DLGAP2: variants seen among roughly 807,000 people sequenced by gnomAD.
The protein encoded by DLGAP2 is disks large-associated protein 2.
Under a neutral mutation model 100.3 loss-of-function variants are expected in DLGAP2, and 26 were observed. The observed-to-expected ratio is 0.26, with a 90% CI of 0.19 to 0.36. The LOEUF (loss-of-function observed/expected upper bound fraction) is 0.36. DLGAP2 is among the 10% of genes least tolerant of loss of function. The pLI, the probability that DLGAP2 is intolerant of heterozygous loss-of-function variation, is 1.00. For missense variants in DLGAP2, 1,858 were observed against 1,453.2 expected (o/e 1.28, Z -4.53); for synonymous variants, 886 against 630.1 (o/e 1.41, Z -6.08).
chr8:962,834 C>T (rs1271950499), intron 2 of DLGAP2, among the ~76,000 whole-genome samples: 2 of 152,182 alleles, frequency 1.3e-5, no homozygotes, highest in Admixed American at 6.5e-5. Flanking sequence ...TGACAAGAGC[C>T]TTGGAAACCC....
chr8:1,037,576 C>T (rs1802171458), intron 2 of DLGAP2, among the ~76,000 whole-genome samples: 1 of 152,206 alleles, frequency 6.6e-6, no homozygotes, highest in African/African-American at 2.4e-5. Flanking sequence ...TGCACTTTAT[C>T]CTCTAAGGGG....
At chr8:1,361,041 C>A (rs929825556) in intron 3 of DLGAP2, among the ~76,000 whole-genome samples, 3 of 152,202 alleles carry the variant, frequency 2.0e-5, no homozygotes, top group Non-Finnish European at 2.9e-5. Context: ...CTTCTGTGAT[C>A]CTTTCCTTTT....
In DLGAP2 at chr8:1,521,892, G is replaced by C. The variant is rs562159642; in HGVS notation, c.172+20461G>C. Among the ~76,000 whole-genome samples the C allele has an allele frequency of 4.7e-5, 7 of 149,328 alleles. No homozygotes were observed. In the East Asian group the frequency reaches 1.4e-3, roughly 30 times the overall value. On this transcript the variant is annotated intron_variant, in intron 4 of 14. Transcript: ENST00000637795. ...TGGTTTGCACACTTGTTTTAATTTG[G>C]AATACTCGGGTGGCAGGTGATATGG...
chr8:865,711 T>G (rs543446476), intron 1 of DLGAP2, among the ~76,000 whole-genome samples: 1 of 152,206 alleles, frequency 6.6e-6, no homozygotes, highest in African/African-American at 2.4e-5. Context: ...CTCTTCTTTT[T>G]ATAAGGCCGC....
At chr8:1,310,762 A>G (rs996035694) in intron 3 of DLGAP2, among the ~76,000 whole-genome samples, 8 of 152,200 alleles carry the variant, frequency 5.3e-5, no homozygotes, top group South Asian at 2.1e-4. Flanking sequence ...GGTTCAGGCA[A>G]TTCTCCTGCC....
In DLGAP2 at chr8:1,203,748, C is replaced by T. The variant is rs572764626; in HGVS notation, c.74-55103C>T. On this transcript the variant is annotated intron_variant, in intron 2 of 14. Transcript: ENST00000637795. Reference sequence around the variant, plus strand: ...AAATGATTTCTCCACTCTCACTTTACAGTGATGAAATATCACTGTTATTCT... The same window carrying T: ...AAATGATTTCTCCACTCTCACTTTATAGTGATGAAATATCACTGTTATTCT... Among the ~76,000 whole-genome samples, 3 of 152,334 alleles carry T rather than the reference C, an allele frequency of 2.0e-5. No individual in the cohort carries two copies. The East Asian group carries it at 5.8e-4, about 29-fold the overall frequency.
intron 1 of DLGAP2, among the ~76,000 whole-genome samples, chr8:834,681 G>C (rs918445012): frequency 1.3e-5 from 2 of 152,116 alleles, no homozygotes; most frequent in Non-Finnish European, 1.5e-5. Flanking sequence ...TTGTTAGGGA[G>C]GAGGGGGTCA....
At chr8:1,204,479 C>T (rs559442464) in intron 2 of DLGAP2, among the ~76,000 whole-genome samples, 2 of 152,350 alleles carry the variant, frequency 1.3e-5, no homozygotes, top group South Asian at 2.1e-4. Context: ...GAGCAACTTA[C>T]TGCATACCTT....
chr8:980,693 C>CAGGA (rs1800306260), intron 2 of DLGAP2, among the ~76,000 whole-genome samples: 1 of 152,066 alleles, frequency 6.6e-6, no homozygotes, highest in Non-Finnish European at 1.5e-5. Flanking sequence ...GAGACTCCAG[C>CAGGA]AGGAAGGAAG....
At chr8:866,710 C>G (rs552633564) in intron 1 of DLGAP2, among the ~76,000 whole-genome samples, 22 of 152,332 alleles carry the variant, frequency 1.4e-4, no homozygotes, top group Non-Finnish European at 2.9e-4. Flanking sequence ...CTTCTAAATA[C>G]TTTCCCAGAC....
chr8:1,088,444 A>G (rs1315035099), intron 2 of DLGAP2, among the ~76,000 whole-genome samples: 2 of 152,168 alleles, frequency 1.3e-5, no homozygotes, highest in Non-Finnish European at 2.9e-5. Context: ...GCAGTTGACC[A>G]GTAACACTGC....
intron 3 of DLGAP2, among the ~76,000 whole-genome samples, chr8:1,458,017 T>TA (rs1798369478): frequency 7.1e-6 from 1 of 140,726 alleles, no homozygotes; most frequent in Non-Finnish European, 1.6e-5. Context: ...TATATATAAT[T>TA]TTTTATATGT....
chr8:939,905 C>T (rs1009865737), intron 2 of DLGAP2, among the ~76,000 whole-genome samples: 22 of 151,558 alleles, frequency 1.5e-4, no homozygotes, highest in African/African-American at 4.4e-4. Context: ...CCCCAGGCTG[C>T]GGTCCCATGA....
intron 2 of DLGAP2, among the ~76,000 whole-genome samples, chr8:1,134,805 A>C (rs931089409): frequency 1.3e-5 from 2 of 152,104 alleles, no homozygotes; most frequent in Non-Finnish European, 2.9e-5. Context: ...GCACAGAAAA[A>C]AACACCATTT....
chr8:851,054 AAAC>A (rs752902062), intron 1 of DLGAP2, among the ~76,000 whole-genome samples: 1 of 152,230 alleles, frequency 6.6e-6, no homozygotes, highest in African/African-American at 2.4e-5. Context: ...CTCTGTATCA[AAAC>A]AACATGTTTT....
intron 2 of DLGAP2, among the ~76,000 whole-genome samples, chr8:1,139,851 G>A (rs147799884): frequency 1.4e-3 from 211 of 152,142 alleles, no homozygotes; most frequent in South Asian, 0.012. Context: ...GGTCTGTGGC[G>A]TAGGGTTCTA....
At chr8:1,070,893 C>T (rs1324063959) in intron 2 of DLGAP2, among the ~76,000 whole-genome samples, 1 of 152,228 alleles carries the variant, frequency 6.6e-6, no homozygotes, top group Non-Finnish European at 1.5e-5. Flanking sequence ...TGCCGACAAG[C>T]ACTGAGCACC....
intron 2 of DLGAP2, among the ~76,000 whole-genome samples, chr8:983,725 T>C (rs895234633): frequency 3.3e-5 from 5 of 152,096 alleles, no homozygotes; most frequent in Admixed American, 2.6e-4. Flanking sequence ...TCACTGTGGC[T>C]TCCACCTCCC....
intron 2 of DLGAP2, among the ~76,000 whole-genome samples, chr8:1,165,516 A>G (rs1031856764): frequency 6.6e-5 from 10 of 152,160 alleles, no homozygotes; most frequent in African/African-American, 2.4e-4. Flanking sequence ...TGCTCATCAG[A>G]TGGTGATTTG....
Sources: allele counts gnomAD v4.1 joint callset (sites outside exome capture counted in the v4.1 genomes callset), GRCh38; gene constraint gnomAD v4.1.1; transcripts MANE v1.5; gene names NCBI Gene and HGNC (gene_info 2026-07-23, HGNC 2026-07-21).